The following TRPC6 variants were observed in gnomAD, a reference collection of about 807,000 sequenced individuals.
TRPC6 encodes the protein short transient receptor potential channel 6.
A neutral mutation model predicts 90.7 loss-of-function variants in TRPC6; 55 were observed. The observed-to-expected ratio is 0.61, with a 90% CI of 0.49 to 0.76. The LOEUF (loss-of-function observed/expected upper bound fraction) is 0.76, where lower values mean the gene tolerates loss of function less well. Among genes scored for constraint, TRPC6 ranks in the 30% least tolerant of loss-of-function variants. The pLI is 0.00. For synonymous variants in TRPC6, 393 were observed against 393.0 expected (o/e 1.00, Z 0.00); for missense variants, 989 against 1,122.7 (o/e 0.88, Z 1.70).
chr11:101,473,681 T>C lies in TRPC6; in HGVS notation c.1837A>G (p.Ile613Val), dbSNP rs765063757. Residue 613 changes from isoleucine to valine, a missense_variant, in exon 7 of 13, where the codon ATT becomes GTT. Ile to Val is a conservative substitution (Grantham distance 29). This residue lies in a region of TRPC6 where 118 missense variants were observed against 197.6 expected (regional missense o/e 0.60). Coordinates refer to ENST00000344327, the MANE Select transcript of TRPC6 (RefSeq NM_004621.6). ...VVLSFSRIAYILPANESFGPL... is the reference protein window; with the variant it reads ...VVLSFSRIAYVLPANESFGPL... ...CCAAAGCTTTCATTTGCTGGTAAAA[T>C]ATAAGCTATCCTAGAGAAACTTAAA... 1 of 1,613,748 alleles carries C rather than the reference T, an allele frequency of 6.2e-7. No individual in the cohort carries two copies. The highest frequency in any genetic ancestry group is 8.5e-7 in the Non-Finnish European group (1 of 1,179,762).
chr11:101,459,913 T>A (rs1369807101), intron 10 of TRPC6, among the ~76,000 whole-genome samples: 1 of 152,222 alleles, frequency 6.6e-6, no homozygotes, highest in Non-Finnish European at 1.5e-5. Flanking sequence ...ACCAATTTAA[T>A]CTTTCCAATA....
chr11:101,549,276 A>G (rs1861399215), intron 1 of TRPC6, among the ~76,000 whole-genome samples: 2 of 152,000 alleles, frequency 1.3e-5, no homozygotes, highest in African/African-American at 4.8e-5. Flanking sequence ...AAAAAGGGAT[A>G]TATTATAAAA....
At chr11:101,481,852 C>A (rs1382602502) in intron 5 of TRPC6, among the ~76,000 whole-genome samples, 1 of 152,172 alleles carries the variant, frequency 6.6e-6, no homozygotes, top group African/African-American at 2.4e-5. Flanking sequence ...CATTTCTCCA[C>A]CCTTATCTCC....
intron 1 of TRPC6, among the ~76,000 whole-genome samples, chr11:101,568,083 G>T (rs771897610): frequency 6.6e-6 from 1 of 152,178 alleles, no homozygotes; most frequent in Non-Finnish European, 1.5e-5. Context: ...ACCTAAAGGA[G>T]TATGTTCTAA....
At position 101,452,749 on chromosome 11, in the gene TRPC6, C is replaced by T. The variant is rs1858791934; in HGVS notation, c.*206G>A. 2 of 575,838 alleles carry T rather than the reference C, an allele frequency of 3.5e-6. No individual in the cohort carries two copies. The highest frequency in any genetic ancestry group is 3.1e-5 in the Admixed American group (1 of 32,698). 35.7% of individuals were successfully genotyped at this position (575,838 alleles called of 1,614,324 possible). ...GCACCAAACAACTGGGCATAATTTT[C>T]CTCATTATCTACAGCCTTTACCCTG... On this transcript the variant is annotated 3_prime_UTR_variant, in exon 13 of 13. Transcript: ENST00000344327.
chr11:101,472,309 A>G lies in TRPC6; in HGVS notation c.2033T>C (p.Leu678Pro). Reference protein sequence around the residue: ...FTTVEESFKTLFWAIFGLSEV... With the variant: ...FTTVEESFKTPFWAIFGLSEV... ...AGAAAGTCCAAATATAGCCCAGAAC[A>G]GTGTCTTAAAACTCTCTTCAACTCT... Residue 678 changes from leucine (L) to proline (P), a missense_variant, in exon 8 of 13, where the codon CTG (leucine) becomes CCG (proline). Transcript: ENST00000344327. 1 of 1,613,014 alleles carries G rather than the reference A, an allele frequency of 6.2e-7. No homozygotes were observed. Among genetic ancestry groups the G allele is most frequent in the Non-Finnish European group, 8.5e-7 (1 of 1,179,486 alleles).
At chr11:101,484,860 CAT>C (rs1415544109) in intron 4 of TRPC6, among the ~76,000 whole-genome samples, 2 of 151,872 alleles carry the variant, frequency 1.3e-5, no homozygotes, top group East Asian at 3.8e-4. Context: ...TTTAAATTGA[CAT>C]ATATTTGTAC....
At chr11:101,516,906 C>A (rs753586484) in intron 1 of TRPC6, among the ~76,000 whole-genome samples, 2 of 152,252 alleles carry the variant, frequency 1.3e-5, no homozygotes, top group African/African-American at 2.4e-5. Flanking sequence ...CTCACCCTCA[C>A]TGAACTCTTC....
At position 101,468,895 on chromosome 11, in the gene TRPC6, G is replaced by A. The variant is rs562461149; in HGVS notation, c.2484+532C>T. On this transcript the variant is annotated intron_variant, in intron 10 of 12. Coordinates refer to ENST00000344327, the MANE Select transcript of TRPC6 (RefSeq NM_004621.6). ...CAAGCATTTATTGTGGCCCTACTAT[G>A]TACAGGCCACAAAAAAGGAAACATC... Among the ~76,000 whole-genome samples, 13 of 152,066 alleles carry A rather than the reference G, an allele frequency of 8.5e-5. No individual in the cohort carries two copies. The Middle Eastern group carries it at 0.014, about 159-fold the overall frequency.
chr11:101,537,001 G>C (rs1203067667), intron 1 of TRPC6, among the ~76,000 whole-genome samples: 1 of 152,158 alleles, frequency 6.6e-6, no homozygotes, highest in Non-Finnish European at 1.5e-5. Flanking sequence ...TTACAGACTG[G>C]CTGTGAGCAA....
chr11:101,536,503 C>G (rs1861051780), intron 1 of TRPC6, among the ~76,000 whole-genome samples: 1 of 151,606 alleles, frequency 6.6e-6, no homozygotes, highest in South Asian at 2.1e-4. Context: ...ATTCTCTACT[C>G]TAGGGTAGGA....
At chr11:101,497,163 C>T (rs1264193454) in intron 2 of TRPC6, among the ~76,000 whole-genome samples, 3 of 152,152 alleles carry the variant, frequency 2.0e-5, no homozygotes, top group African/African-American at 7.2e-5. Context: ...CATTTGCTGG[C>T]CTTCTCCTAA....
intron 1 of TRPC6, among the ~76,000 whole-genome samples, chr11:101,527,261 C>T (rs974714513): frequency 3.3e-5 from 5 of 152,088 alleles, no homozygotes; most frequent in Non-Finnish European, 4.4e-5. Flanking sequence ...TTACTGCCTC[C>T]AAGTCTTGAT....
intron 1 of TRPC6, among the ~76,000 whole-genome samples, chr11:101,569,139 A>G (rs560188221): frequency 1.4e-4 from 22 of 152,246 alleles, no homozygotes; most frequent in African/African-American, 5.3e-4. Flanking sequence ...AGACACACAC[A>G]TAAGCTCAAA....
chr11:101,462,149 C>T (rs1307363817), intron 10 of TRPC6, among the ~76,000 whole-genome samples: 1 of 151,982 alleles, frequency 6.6e-6, no homozygotes, highest in Non-Finnish European at 1.5e-5. Flanking sequence ...TTTCTGAGGC[C>T]TCTGTTCTGT....
At chr11:101,499,585 CG>C (rs1322108331) in intron 2 of TRPC6, among the ~76,000 whole-genome samples, 1 of 66,798 alleles carries the variant, frequency 1.5e-5, no homozygotes, top group African/African-American at 7.4e-5. Context: ...TGTATATATA[CG>C]TATATATATA....
At chr11:101,542,195 C>T (rs371659445) in intron 1 of TRPC6, among the ~76,000 whole-genome samples, 9 of 152,248 alleles carry the variant, frequency 5.9e-5, no homozygotes, top group African/African-American at 2.2e-4. Context: ...AGATGAGACA[C>T]GGAGTAAAAC....
At chr11:101,558,450 CACGCACACAT>C (rs1861636804) in intron 1 of TRPC6, among the ~76,000 whole-genome samples, 1 of 48,086 alleles carries the variant, frequency 2.1e-5, no homozygotes, top group Non-Finnish European at 3.9e-5. Flanking sequence ...TATATATACA[CACGCACACAT>C]ACACACACAC....
chr11:101,578,070 G>C (rs1862110940), intron 1 of TRPC6, among the ~76,000 whole-genome samples: 1 of 152,142 alleles, frequency 6.6e-6, no homozygotes, highest in Non-Finnish European at 1.5e-5. Flanking sequence ...TCTCTTTGTT[G>C]AGGAATAGAT....
Sources: allele counts gnomAD v4.1 joint callset (sites outside exome capture counted in the v4.1 genomes callset), GRCh38; gene constraint gnomAD v4.1.1; regional missense constraint gnomAD v4.1.1; transcripts MANE v1.5; gene names NCBI Gene and HGNC (gene_info 2026-07-23, HGNC 2026-07-21).